The following DAAM2 variants were observed in gnomAD, a reference collection of about 807,000 sequenced individuals.
DAAM2 encodes the protein dishevelled associated activator of morphogenesis 2.
In DAAM2, 39 loss-of-function variants were observed where a neutral mutation model predicts 120.7. The observed-to-expected ratio is 0.32, with a 90% CI of 0.25 to 0.42. The LOEUF is 0.42. Among genes scored for constraint, DAAM2 ranks in the 10% least tolerant of loss-of-function variants. The pLI, the probability that DAAM2 is intolerant of heterozygous loss-of-function variation, is 1.00. For synonymous variants in DAAM2, 488 were observed against 524.9 expected (o/e 0.93, Z 0.96); for missense variants, 1,283 against 1,401.7 (o/e 0.92, Z 1.35).
chr6:39,843,327 G>A (rs1459704005), intron 1 of DAAM2, among the ~76,000 whole-genome samples: 1 of 152,140 alleles, frequency 6.6e-6, no homozygotes, highest in African/African-American at 2.4e-5. Context: ...GGTGCGATGG[G>A]GAAGAAAGAT....
In DAAM2 at chr6:39,888,695, G is replaced by A. The variant is rs1046301441; in HGVS notation, c.2077G>A (p.Glu693Lys). ...TTGCCTTAGGTTGAAGCTTTCTAAC[G>A]AGGAGATCCGGCAGGCCATCTTGAA... ...ILLSKLKLSN[E>K]EIRQAILKMD... The change falls in exon 17 of 25, where the codon GAG (glutamate) becomes AAG (lysine). Residue 693 changes from glutamate (E) to lysine (K), a missense_variant. This residue lies in a region of DAAM2 where 748 missense variants were observed against 768.6 expected (regional missense o/e 0.97). Transcript: ENST00000274867. The A allele has an allele frequency of 3.7e-6, 6 of 1,613,390 alleles. No homozygotes were observed. The South Asian group carries it at 4.4e-5, about 12-fold the overall frequency.
In DAAM2 at chr6:39,879,367, C is replaced by T; in HGVS notation, c.1735C>T (p.Leu579=). ...TGCCCCACCTTGCCTCGGCATGGGC[C>T]TGCCCCTCCCTCAGGACCCCTACCC... ...PGAPPCLGMG[L]PLPQDPYPSS... Residue 579 remains leucine (L), a synonymous_variant, in exon 14 of 25, where the codon CTG becomes TTG. Coordinates refer to ENST00000274867, the MANE Select transcript of DAAM2 (RefSeq NM_001201427.2). The T allele has an allele frequency of 6.2e-7, 1 of 1,613,342 alleles. No individual in the cohort carries two copies. The highest frequency in any genetic ancestry group is 2.2e-5 in the East Asian group (1 of 44,838).
chr6:39,818,182 TAAAAAA>T (rs752326154), intron 1 of DAAM2, among the ~76,000 whole-genome samples: 48 of 85,866 alleles, frequency 5.6e-4, no homozygotes, highest in Non-Finnish European at 9.0e-4. Context: ...GCATCTCAAT[TAAAAAA>T]AAAAAAAAAA....
rs780707234 is a variant in DAAM2, at chr6:39,873,247, G to A, written c.1054G>A (p.Asp352Asn). ...CCCTCTTCTCTCCCAGGTCCACATC[G>A]ACACCAAGAGTGCTTCCCAGATGTT... ...LARRFDMVHI[D>N]TKSASQMFEL... Residue 352 changes from aspartate to asparagine, a missense_variant, in exon 10 of 25, where the codon GAC becomes AAC. This residue lies in a region of DAAM2 where 338 missense variants were observed against 443.9 expected (regional missense o/e 0.76). Transcript: ENST00000274867. The A allele has an allele frequency of 6.8e-6, 11 of 1,611,148 alleles. No individual in the cohort carries two copies. Among genetic ancestry groups the A allele is most frequent in the Admixed American group, 1.7e-5 (1 of 59,826 alleles).
intron 14 of DAAM2, chr6:39,883,710 A>G: frequency 5.3e-6 from 2 of 380,952 alleles, no homozygotes; most frequent in Non-Finnish European, 9.5e-6. Flanking sequence ...ACCCCCCATG[A>G]TTTCTAGAAC....
intron 10 of DAAM2, among the ~76,000 whole-genome samples, chr6:39,874,867 T>C (rs934040248): frequency 7.2e-4 from 110 of 152,228 alleles, no homozygotes; most frequent in Admixed American, 7.1e-3. Context: ...AGTGCACACC[T>C]GCAATCAGTT....
chr6:39,884,132 TTTTC>T, intron 15 of DAAM2, 63 bp downstream of exon 15: 1 of 853,772 alleles, frequency 1.2e-6, no homozygotes, highest in Non-Finnish European at 1.9e-6. Context: ...CAGCTTCTCC[TTTTC>T]TTTCTGCCTG....
At chr6:39,812,813 G>C (rs1326859359) in intron 1 of DAAM2, among the ~76,000 whole-genome samples, 1 of 152,084 alleles carries the variant, frequency 6.6e-6, no homozygotes, top group Non-Finnish European at 1.5e-5. Flanking sequence ...CCAAACCTAG[G>C]ATAGAGCCAG....
At chr6:39,871,854 T>C (rs1182529857) in intron 9 of DAAM2, among the ~76,000 whole-genome samples, 2 of 152,150 alleles carry the variant, frequency 1.3e-5, no homozygotes, top group South Asian at 2.1e-4. Flanking sequence ...AGTTATTGCA[T>C]GGAGAAACAG....
intron 2 of DAAM2, among the ~76,000 whole-genome samples, chr6:39,860,479 AG>A (rs1386537150): frequency 6.6e-6 from 1 of 152,224 alleles, no homozygotes; most frequent in African/African-American, 2.4e-5. Flanking sequence ...GGATGGGGCA[AG>A]AATCTGAGAG....
chr6:39,857,149 C>T (rs543222062), intron 2 of DAAM2, among the ~76,000 whole-genome samples: 1 of 152,332 alleles, frequency 6.6e-6, no homozygotes, highest in East Asian at 1.9e-4. Flanking sequence ...CACAAATAGA[C>T]AGGCTAGGAA....
chr6:39,848,933 C>T (rs1232259367), intron 1 of DAAM2: 2 of 152,136 alleles, frequency 1.3e-5, no homozygotes, highest in African/African-American at 4.8e-5. Flanking sequence ...AAACCTCGAA[C>T]ATGGTAGGTG....
intron 1 of DAAM2, among the ~76,000 whole-genome samples, chr6:39,831,051 T>G (rs1272735189): frequency 6.6e-6 from 1 of 152,164 alleles, no homozygotes; most frequent in East Asian, 1.9e-4. Flanking sequence ...CTAAGGCATG[T>G]GGGGAGTTAT....
intron 1 of DAAM2, chr6:39,820,564 C>A (rs1762456269): frequency 6.6e-6 from 1 of 151,976 alleles, no homozygotes; most frequent in African/African-American, 2.4e-5. Flanking sequence ...AAGGTGGGAT[C>A]TTTATTTTTT....
At chr6:39,837,231 C>T (rs1362941111) in intron 1 of DAAM2, among the ~76,000 whole-genome samples, 1 of 152,160 alleles carries the variant, frequency 6.6e-6, no homozygotes, top group Non-Finnish European at 1.5e-5. Flanking sequence ...CTTGGATCTG[C>T]CACCTGCAGG....
chr6:39,818,122 C>T (rs963612409), intron 1 of DAAM2, among the ~76,000 whole-genome samples: 10 of 144,824 alleles, frequency 6.9e-5, no homozygotes, highest in South Asian at 2.3e-4. Flanking sequence ...GAGGCTGCAG[C>T]GAGCCGAGGT....
chr6:39,829,439 A>G (rs768014795), intron 1 of DAAM2, among the ~76,000 whole-genome samples: 3 of 152,140 alleles, frequency 2.0e-5, no homozygotes. Flanking sequence ...GGCTGGCAGC[A>G]CTCAGGGTGA....
In DAAM2 at chr6:39,891,559, G is replaced by A; in HGVS notation, c.2253-75G>A. The A allele has an allele frequency of 2.6e-6, 4 of 1,526,006 alleles. No homozygotes were observed. In the Admixed American group the frequency reaches 7.6e-5, roughly 29 times the overall value. The allele number at this position is 1,526,006 out of a possible 1,614,324, so 94.5% of individuals were successfully genotyped here. ...AGGTGGGCAGGCTTGAGAGGAGACT[G>A]GAGCTGGCTCCGGGAGCTGGGGCTG... On this transcript the variant is annotated intron_variant, in intron 18 of 24. Coordinates refer to ENST00000274867, the MANE Select transcript of DAAM2 (RefSeq NM_001201427.2).
At chr6:39,886,942 TC>T (rs1464856856) in intron 15 of DAAM2, 1 of 155,544 alleles carries the variant, frequency 6.4e-6, no homozygotes, top group East Asian at 1.9e-4. Flanking sequence ...GAGTTCTGCT[TC>T]AGTTTCCATA....
Sources: allele counts gnomAD v4.1 joint callset (sites outside exome capture counted in the v4.1 genomes callset), GRCh38; gene constraint gnomAD v4.1.1; regional missense constraint gnomAD v4.1.1; transcripts MANE v1.5; gene names NCBI Gene and HGNC (gene_info 2026-07-23, HGNC 2026-07-21).